The following ITGA2 variants were observed in gnomAD, a reference collection of about 807,000 sequenced individuals.
ITGA2 encodes the protein integrin alpha-2.
In ITGA2, 101 loss-of-function variants were observed where a neutral mutation model predicts 146.3. The observed-to-expected ratio is 0.69, with a 90% CI of 0.59 to 0.81. The LOEUF (loss-of-function observed/expected upper bound fraction) is 0.81, where lower values mean the gene tolerates loss of function less well. ITGA2 is among the 40% of genes least tolerant of loss of function. The probability of loss-of-function intolerance (pLI) is 0.00; values close to 1 mark genes in which losing one functional copy is unlikely to be tolerated. For missense variants in ITGA2, 1,281 were observed against 1,402.7 expected (o/e 0.91, Z 1.39); for synonymous variants, 477 against 487.1 (o/e 0.98, Z 0.27).
rs1745871479 is a variant in ITGA2, at chr5:53,080,518, C to A, written c.2936C>A (p.Thr979Lys). 3 of 1,612,802 alleles carry A rather than the reference C, an allele frequency of 1.9e-6. No individual in the cohort carries two copies. The highest frequency in any genetic ancestry group is 2.5e-6 in the Non-Finnish European group (3 of 1,178,962). ...ATTTTATTCTCTACATAGGTAACAA[C>A]AGGAAGTGTTCCAGTAAGCATGGCA... ...PKFIFSLKVT[T>K]GSVPVSMATV... Residue 979 changes from threonine (T) to lysine (K), a missense_variant, in exon 25 of 30, where the codon ACA (threonine) becomes AAA (lysine). This residue lies in a region of ITGA2 where 475 missense variants were observed against 530.5 expected (regional missense o/e 0.90). Transcript: ENST00000296585.
chr5:53,032,242 C>T (rs1743260170), intron 2 of ITGA2, among the ~76,000 whole-genome samples: 1 of 152,096 alleles, frequency 6.6e-6, no homozygotes, highest in African/African-American at 2.4e-5. Context: ...TAATAAAGCT[C>T]TACATGTGTT....
At chr5:53,040,734 G>A (rs1056283333) in intron 2 of ITGA2, among the ~76,000 whole-genome samples, 1 of 152,120 alleles carries the variant, frequency 6.6e-6, no homozygotes, top group Non-Finnish European at 1.5e-5. Context: ...TAAGATGAAC[G>A]AGGAGAGAAC....
At chr5:52,992,148 AT>A (rs916946259) in intron 1 of ITGA2, among the ~76,000 whole-genome samples, 12 of 152,104 alleles carry the variant, frequency 7.9e-5, no homozygotes, top group African/African-American at 1.7e-4. Context: ...TGTAAAAAAA[AT>A]ATTTCTTTTG....
intron 1 of ITGA2, among the ~76,000 whole-genome samples, chr5:53,022,855 T>G (rs1259087594): frequency 6.6e-6 from 1 of 152,164 alleles, no homozygotes; most frequent in East Asian, 1.9e-4. Flanking sequence ...ATGAGTTAAC[T>G]TATGCTTGAC....
chr5:53,000,230 C>T (rs1741498466), intron 1 of ITGA2, among the ~76,000 whole-genome samples: 1 of 152,138 alleles, frequency 6.6e-6, no homozygotes, highest in Non-Finnish European at 1.5e-5. Flanking sequence ...AGTTCTTCAT[C>T]ACCAGATTGC....
intron 23 of ITGA2, 88 bp from the exon 24 acceptor site, chr5:53,078,684 A>G (rs1579900327): frequency 2.6e-6 from 2 of 772,584 alleles, no homozygotes; most frequent in Non-Finnish European, 4.5e-6. Context: ...CTTTAACCTA[A>G]GCTATAAGAT....
intron 19 of ITGA2, 62 bp downstream of exon 19, chr5:53,072,757 A>G: frequency 7.8e-7 from 1 of 1,288,652 alleles, no homozygotes; most frequent in Admixed American, 1.8e-5. Flanking sequence ...AGATTACTTT[A>G]TTCAAACGAA....
chr5:53,032,730 C>T (rs1443359168), intron 2 of ITGA2, among the ~76,000 whole-genome samples: 1 of 152,170 alleles, frequency 6.6e-6, no homozygotes, highest in Non-Finnish European at 1.5e-5. Context: ...ATGTTAGCAT[C>T]ATTGGCTTTA....
intron 1 of ITGA2, among the ~76,000 whole-genome samples, chr5:53,006,471 A>G (rs917391762): frequency 1.3e-5 from 2 of 152,228 alleles, no homozygotes; most frequent in African/African-American, 4.8e-5. Context: ...TCATTGATGT[A>G]TATACCTGCA....
At chr5:53,081,821 A>C in intron 26 of ITGA2, 125 bp downstream of exon 26, 2 of 675,296 alleles carry the variant, frequency 3.0e-6, no homozygotes, top group Non-Finnish European at 2.6e-6. Flanking sequence ...TGCTTATATG[A>C]GTCAAGATTT....
At chr5:53,074,086 A>C (rs1191895914) in intron 20 of ITGA2, among the ~76,000 whole-genome samples, 1 of 151,994 alleles carries the variant, frequency 6.6e-6, no homozygotes, top group Non-Finnish European at 1.5e-5. Context: ...AAAATATTGA[A>C]TTAAAGCTAT....
intron 27 of ITGA2, among the ~76,000 whole-genome samples, chr5:53,084,173 C>G (rs1746046926): frequency 6.6e-6 from 1 of 152,122 alleles, no homozygotes; most frequent in Admixed American, 6.5e-5. Flanking sequence ...GATAGACAGG[C>G]CTCCTTAAAC....
chr5:53,081,786 T>C (rs1745934620), intron 26 of ITGA2, 90 bp downstream of exon 26: 2 of 853,068 alleles, frequency 2.3e-6, no homozygotes, highest in Non-Finnish European at 3.8e-6. Context: ...GCTGATATCA[T>C]AGAGCTTTCT....
intron 11 of ITGA2, 67 bp from the exon 12 acceptor site, chr5:53,060,834 C>G (rs1351253950): frequency 1.4e-6 from 2 of 1,472,264 alleles, no homozygotes; most frequent in Non-Finnish European, 1.9e-6. Context: ...CACCTTTACT[C>G]ACTTCTTTTA....
At chr5:53,054,930 A>G (rs929580024) in intron 7 of ITGA2, among the ~76,000 whole-genome samples, 1 of 152,080 alleles carries the variant, frequency 6.6e-6, no homozygotes, top group East Asian at 1.9e-4. Context: ...AAACCTATGG[A>G]AATAAAACAT....
At position 53,064,982 on chromosome 5, in the gene ITGA2, T is replaced by C. The variant is rs749911016; in HGVS notation, c.1673T>C (p.Ile558Thr). 2 of 1,612,976 alleles carry C rather than the reference T, an allele frequency of 1.2e-6. No individual in the cohort carries two copies. Among genetic ancestry groups the C allele is most frequent in the South Asian group, 1.1e-5 (1 of 91,072 alleles). ...GIENTRFGSA[I>T]AALSDINMDG... ...GAAAACACTCGATTTGGTTCAGCAATTGCAGCTCTTTCAGACATCAACATG... is the reference window on the plus strand; with the variant it reads ...GAAAACACTCGATTTGGTTCAGCAACTGCAGCTCTTTCAGACATCAACATG... Residue 558 changes from isoleucine (I) to threonine (T), a missense_variant, in exon 14 of 30, where the codon ATT becomes ACT. Ile to Thr is a moderately conservative substitution (Grantham distance 89). This residue lies in a region of ITGA2 where 795 missense variants were observed against 841.7 expected (regional missense o/e 0.94). Coordinates refer to ENST00000296585, the MANE Select transcript of ITGA2 (RefSeq NM_002203.4).
chr5:53,081,726 C>T lies in ITGA2; in HGVS notation c.3144+30C>T, dbSNP rs557745929. 2.8e-6 allele frequency: 4 copies of T among 1,429,058 alleles called. No homozygotes were observed. The South Asian group carries it at 4.7e-5, about 17-fold the overall frequency. The allele number at this position is 1,429,058 out of a possible 1,614,324, so 88.5% of individuals were successfully genotyped here. On this transcript the variant is annotated intron_variant, in intron 26 of 29. Transcript: ENST00000296585. ...GGACAAGTTAACGTGTGAAAGCTCC[C>T]CTCATTCATTTATTTCACCTGTGAT...
intron 2 of ITGA2, among the ~76,000 whole-genome samples, chr5:53,027,801 G>T (rs1743026094): frequency 6.6e-6 from 1 of 152,180 alleles, no homozygotes; most frequent in East Asian, 1.9e-4. Context: ...GTAATGTATG[G>T]CCAAGTGCAG....
intron 2 of ITGA2, among the ~76,000 whole-genome samples, chr5:53,031,394 T>C (rs1270012633): frequency 6.6e-6 from 1 of 152,206 alleles, no homozygotes; most frequent in Non-Finnish European, 1.5e-5. Context: ...TACTTTGACT[T>C]TCTTTGTAAT....
Sources: allele counts gnomAD v4.1 joint callset (sites outside exome capture counted in the v4.1 genomes callset), GRCh38; gene constraint gnomAD v4.1.1; regional missense constraint gnomAD v4.1.1; transcripts MANE v1.5; gene names NCBI Gene and HGNC (gene_info 2026-07-23, HGNC 2026-07-21).